GRM7: variants seen among roughly 807,000 people sequenced by gnomAD.
The protein encoded by GRM7 is metabotropic glutamate receptor 7.
Under a neutral mutation model 84.5 loss-of-function variants are expected in GRM7, and 35 were observed. The ratio of observed to expected loss-of-function variants is 0.41; its 90% CI spans 0.32 to 0.55. The LOEUF (loss-of-function observed/expected upper bound fraction) is 0.55, where lower values mean the gene tolerates loss of function less well. GRM7 is among the 20% of genes least tolerant of loss of function. GRM7 has a pLI of 0.19. For synonymous variants in GRM7, 487 were observed against 455.1 expected (o/e 1.07, Z -0.89); for missense variants, 1,003 against 1,194.6 (o/e 0.84, Z 2.36).
At chr3:7,025,470 A>G (rs1322480059) in intron 1 of GRM7, among the ~76,000 whole-genome samples, 1 of 152,226 alleles carries the variant, frequency 6.6e-6, no homozygotes, top group Non-Finnish European at 1.5e-5. Flanking sequence ...TAGAAATCCC[A>G]TTGTACAGAT....
At chr3:7,238,008 C>T (rs748496216) in intron 2 of GRM7, among the ~76,000 whole-genome samples, 1 of 152,168 alleles carries the variant, frequency 6.6e-6, no homozygotes, top group Non-Finnish European at 1.5e-5. Context: ...GAAAAGTTCT[C>T]CAAGTCTCCA....
At chr3:7,648,799 C>A (rs931512994) in intron 8 of GRM7, among the ~76,000 whole-genome samples, 1 of 152,286 alleles carries the variant, frequency 6.6e-6, no homozygotes, top group South Asian at 2.1e-4. Flanking sequence ...GTGACAGCCA[C>A]GGTAAGACTA....
chr3:7,490,823 A>G (rs1699492400), intron 7 of GRM7, among the ~76,000 whole-genome samples: 1 of 152,132 alleles, frequency 6.6e-6, no homozygotes, highest in Non-Finnish European at 1.5e-5. Context: ...CAAGTATTTC[A>G]GAAATAAACT....
rs184717872 is a variant in GRM7, at chr3:6,940,432, A to G, written c.519+78525A>G. Among the ~76,000 whole-genome samples the G allele has an allele frequency of 1.1e-4, 17 of 152,344 alleles. No individual in the cohort carries two copies. In the East Asian group the frequency reaches 2.3e-3, roughly 21 times the overall value. On this transcript the variant is annotated intron_variant, in intron 1 of 9. Transcript: ENST00000357716. ...AGAAATTTGTTCTTACTCAACAAAC[A>G]TAAGTTTTTCTATCAGATCTTATGC...
At chr3:7,660,456 ATG>A in intron 8 of GRM7, among the ~76,000 whole-genome samples, 1 of 152,256 alleles carries the variant, frequency 6.6e-6, no homozygotes, top group South Asian at 2.1e-4. Context: ...AATATTATAG[ATG>A]TATACATATG....
chr3:7,611,599 C>T (rs1302177003), intron 8 of GRM7, among the ~76,000 whole-genome samples: 1 of 152,144 alleles, frequency 6.6e-6, no homozygotes, highest in East Asian at 1.9e-4. Flanking sequence ...TGAGGTCAAG[C>T]TTCCCAAGAA....
At chr3:7,396,045 T>A (rs1395482637) in intron 4 of GRM7, among the ~76,000 whole-genome samples, 2 of 152,136 alleles carry the variant, frequency 1.3e-5, no homozygotes, top group Non-Finnish European at 2.9e-5. Context: ...TATTTGCCAA[T>A]TTTTTTAAAT....
intron 1 of GRM7, among the ~76,000 whole-genome samples, chr3:7,120,528 A>C (rs1449868044): frequency 6.6e-6 from 1 of 152,184 alleles, no homozygotes; most frequent in African/African-American, 2.4e-5. Flanking sequence ...TCTTGTGAAC[A>C]CAGTGAGATC....
At chr3:7,071,146 GCTTTCTTCT>G (rs1377465898) in intron 1 of GRM7, among the ~76,000 whole-genome samples, 1 of 151,980 alleles carries the variant, frequency 6.6e-6, no homozygotes. Context: ...GGGGATGGTG[GCTTTCTTCT>G]GTTTGATTCT....
chr3:6,960,181 A>G lies in GRM7; in HGVS notation c.519+98274A>G, dbSNP rs973142157. Among the ~76,000 whole-genome samples the G allele has an allele frequency of 2.6e-5, 4 of 152,276 alleles. No individual in the cohort carries two copies. The South Asian group carries it at 8.3e-4, about 32-fold the overall frequency. ...AGTGTGTATCCCAGGCAATGACTCA[A>G]GCTGAGCCACCCCCAATCCATTCCC... On this transcript the variant is annotated intron_variant, in intron 1 of 9. Transcript: ENST00000357716.
At chr3:7,096,613 G>T (rs1451452609) in intron 1 of GRM7, among the ~76,000 whole-genome samples, 1 of 152,002 alleles carries the variant, frequency 6.6e-6, no homozygotes, top group African/African-American at 2.4e-5. Flanking sequence ...TAATACATAG[G>T]CACGACTGGT....
At chr3:7,372,836 G>T (rs1694196746) in intron 4 of GRM7, among the ~76,000 whole-genome samples, 1 of 151,920 alleles carries the variant, frequency 6.6e-6, no homozygotes, top group Admixed American at 6.6e-5. Flanking sequence ...AGGGGGTAAG[G>T]AAAGAAAAAA....
chr3:6,861,778 C>T lies in GRM7; in HGVS notation c.390C>T (p.Asp130=), dbSNP rs1179716538. The T allele has an allele frequency of 2.5e-6, 4 of 1,614,110 alleles. No individual in the cohort carries two copies. The African/African-American group carries it at 5.3e-5, about 22-fold the overall frequency. The stretch of plus-strand genomic sequence containing the variant: ...TCGTCCAGGCGCTCATCCAGAAGGA[C>T]ACCTCCGACGTGCGCTGCACCAACG... The part of the protein sequence containing the change: ...LTFVQALIQK[D]TSDVRCTNGE... Residue 130 remains aspartate (D), a synonymous_variant, in exon 1 of 10, where the codon GAC becomes GAT. Transcript: ENST00000357716. This position sits in a 1 kb window ranked among gnomAD's most constrained non-coding sequence, Gnocchi z 6.4.
chr3:7,470,742 T>C (rs1698668017), intron 7 of GRM7, among the ~76,000 whole-genome samples: 1 of 152,114 alleles, frequency 6.6e-6, no homozygotes, highest in Admixed American at 6.6e-5. Context: ...TACAACAAGA[T>C]AAATGAGTTT....
At chr3:6,924,714 A>C (rs1205767332) in intron 1 of GRM7, among the ~76,000 whole-genome samples, 2 of 152,222 alleles carry the variant, frequency 1.3e-5, no homozygotes, top group Non-Finnish European at 2.9e-5. Context: ...ATATATAAAC[A>C]CTGTAAGAGG....
chr3:7,288,957 T>G (rs1699525016), intron 2 of GRM7, among the ~76,000 whole-genome samples: 1 of 152,196 alleles, frequency 6.6e-6, no homozygotes, highest in African/African-American at 2.4e-5. Flanking sequence ...CTAATTTTCA[T>G]GACTTAAAAT....
intron 2 of GRM7, among the ~76,000 whole-genome samples, chr3:7,187,027 G>A (rs532174375): frequency 1.3e-5 from 2 of 152,194 alleles, no homozygotes; most frequent in African/African-American, 4.8e-5. Context: ...GACTCCAGAG[G>A]TTGCAGTGAG....
At chr3:7,453,793 A>G (rs55955103) in intron 6 of GRM7, among the ~76,000 whole-genome samples, 71,034 of 151,942 alleles carry the variant, frequency 0.47, 18,334 homozygotes, top group Non-Finnish European at 0.6. Context: ...GGTATAATCT[A>G]ATACTAATAG....
At chr3:7,355,403 T>C (rs1575211038) in intron 4 of GRM7, among the ~76,000 whole-genome samples, 1 of 152,198 alleles carries the variant, frequency 6.6e-6, no homozygotes, top group Non-Finnish European at 1.5e-5. Context: ...GTTCTGCCCC[T>C]TGGTCCATAT....
Sources: gnomAD v4.1 joint callset for allele counts (sites outside exome capture counted in the v4.1 genomes callset) on GRCh38, gnomAD v4.1.1 for gene constraint, Gnocchi (gnomAD v3.1) non-coding constraint, MANE v1.5 for transcripts, NCBI Gene and HGNC (gene_info 2026-07-23, HGNC 2026-07-21) for gene names.